The following TECR variants were observed in gnomAD, a reference collection of about 807,000 sequenced individuals.
TECR encodes trans-2,3-enoyl-CoA reductase.
In TECR, 19 loss-of-function variants were observed where a neutral mutation model predicts 50.6. The ratio of observed to expected loss-of-function variants is 0.38; its 90% CI spans 0.26 to 0.55. The LOEUF (loss-of-function observed/expected upper bound fraction) is 0.55, where lower values mean the gene tolerates loss of function less well. Ranked by LOEUF, TECR falls within the 20% of genes least tolerant of loss-of-function variation. The pLI is 0.79. For missense variants in TECR, 313 were observed against 408.3 expected, an observed-to-expected ratio of 0.77 and a Z score of 2.01; for synonymous variants, 168 against 163.5, an observed-to-expected ratio of 1.03 and a Z score of -0.21.
intron 1 of TECR, among the ~76,000 whole-genome samples, chr19:14,547,191 T>G (rs1277605427): frequency 2.0e-5 from 3 of 152,122 alleles, no homozygotes; most frequent in African/African-American, 4.8e-5. Context: ...TTCAAATTAC[T>G]GAAGCATTTA....
At chr19:14,561,112 C>G (rs1192610328) in intron 1 of TECR, among the ~76,000 whole-genome samples, 1 of 152,154 alleles carries the variant, frequency 6.6e-6, no homozygotes, top group East Asian at 1.9e-4. Context: ...TACCCAGCTT[C>G]TCTGGCTTGA....
intron 1 of TECR, among the ~76,000 whole-genome samples, chr19:14,556,239 C>G (rs1315614825): frequency 3.9e-5 from 6 of 152,096 alleles, no homozygotes; most frequent in African/African-American, 1.4e-4. Flanking sequence ...ACTTACTGTT[C>G]CCTCTGCCTG....
intron 1 of TECR, among the ~76,000 whole-genome samples, chr19:14,547,057 A>G (rs988158627): frequency 4.6e-5 from 7 of 152,204 alleles, no homozygotes; most frequent in African/African-American, 1.2e-4. Flanking sequence ...TCAGTCATAA[A>G]CATGTATTAT....
Position 14,565,050 on chromosome 19 carries a change from C to A in TECR, c.607-16C>A. On this transcript the variant is annotated splice_polypyrimidine_tract_variant and intron_variant, in intron 9 of 12. Coordinates refer to ENST00000215567, the MANE Select transcript of TECR (RefSeq NM_138501.6). ...GGAGTCTGGGCGGCCCTAGGCTGAT[C>A]CTGCTTCTCTGACAGATCTGCCAGC... 1 of 1,613,908 alleles carries A rather than the reference C, an allele frequency of 6.2e-7. No individual in the cohort carries two copies. Among genetic ancestry groups the A allele is most frequent in the Non-Finnish European group, 8.5e-7 (1 of 1,180,022 alleles).
intron 1 of TECR, among the ~76,000 whole-genome samples, chr19:14,551,616 A>C (rs541556159): frequency 2.0e-5 from 3 of 152,218 alleles, no homozygotes; most frequent in African/African-American, 7.2e-5. Context: ...ACAGGAAAAC[A>C]TGCAGGAGGC....
Position 14,539,347 on chromosome 19 carries a change from G to T in TECR, c.15+9636G>T, listed in dbSNP as rs538525451. ...TTTCCTTCTTCATGGGAAGACCCTT[G>T]GGGAAGTCACACCACACTCAGAGCC... On this transcript the variant is annotated intron_variant, in intron 1 of 12. Coordinates refer to ENST00000215567, the MANE Select transcript of TECR (RefSeq NM_138501.6). Among the ~76,000 whole-genome samples the T allele has an allele frequency of 2.0e-5, 3 of 151,898 alleles. No individual in the cohort carries two copies. In the East Asian group the frequency reaches 5.8e-4, roughly 29 times the overall value.
chr19:14,543,049 T>C (rs1599436843), intron 1 of TECR, among the ~76,000 whole-genome samples: 1 of 114,334 alleles, frequency 8.7e-6, no homozygotes, highest in African/African-American at 3.3e-5. Flanking sequence ...GCGTGGGATC[T>C]GGGCTTGTCC....
At chr19:14,540,397 AAATG>A (rs1375055344) in intron 1 of TECR, among the ~76,000 whole-genome samples, 3 of 148,796 alleles carry the variant, frequency 2.0e-5, no homozygotes, top group East Asian at 2.0e-4. Flanking sequence ...ATTTATTAAA[AAATG>A]TGTGTTTTTG....
intron 1 of TECR, among the ~76,000 whole-genome samples, chr19:14,552,678 G>A (rs1219900628): frequency 3.3e-5 from 5 of 151,904 alleles, no homozygotes; most frequent in Admixed American, 1.3e-4. Context: ...GGGACTACAG[G>A]CACCCGCCAC....
chr19:14,545,674 G>A (rs1016241041), intron 1 of TECR: 10 of 172,556 alleles, frequency 5.8e-5, no homozygotes, highest in Non-Finnish European at 1.1e-4. Context: ...TGTTGGTTGC[G>A]TGCATGGCGA....
chr19:14,533,116 A>T (rs1444244572), intron 1 of TECR, among the ~76,000 whole-genome samples: 2 of 149,970 alleles, frequency 1.3e-5, no homozygotes. Flanking sequence ...TGTTTTAAAA[A>T]AAATAAATAA....
At chr19:14,537,331 A>G (rs1292522550) in intron 1 of TECR, among the ~76,000 whole-genome samples, 1 of 151,068 alleles carries the variant, frequency 6.6e-6, no homozygotes, top group Non-Finnish European at 1.5e-5. Flanking sequence ...GTGGGACGGG[A>G]TGAGTGGTGG....
intron 11 of TECR, 77 bp from the exon 12 acceptor site, chr19:14,565,541 G>A (rs1012955406): frequency 1.7e-4 from 258 of 1,556,692 alleles, no homozygotes; most frequent in Admixed American, 6.9e-4. Context: ...GCGGCGGGAG[G>A]TGGCTGGCTG....
chr19:14,563,752 T>G lies in TECR; in HGVS notation c.164-48T>G, dbSNP rs1241590286. On this transcript the variant is annotated intron_variant, in intron 4 of 12. Coordinates refer to ENST00000215567, the MANE Select transcript of TECR (RefSeq NM_138501.6). The surrounding 1 kb of genome is among the most constrained non-coding windows in gnomAD (Gnocchi z 5.3). ...CGCCCCCTGGGCTCCTGGGTGGCAG[T>G]GGGAGAAGGCCCGGGTAGCCCCTGA... 2.5e-6 allele frequency: 4 copies of G among 1,612,300 alleles called. No homozygotes were observed. The highest frequency in any genetic ancestry group is 3.4e-6 in the Non-Finnish European group (4 of 1,179,714).
intron 1 of TECR, among the ~76,000 whole-genome samples, chr19:14,558,348 C>T (rs929081798): frequency 6.6e-6 from 1 of 152,166 alleles, no homozygotes; most frequent in African/African-American, 2.4e-5. Context: ...ACAGTGAAGA[C>T]GGGCTCTGTT....
Position 14,530,086 on chromosome 19 carries a change from C to T in TECR, c.15+375C>T, listed in dbSNP as rs1053151417. On this transcript the variant is annotated intron_variant, in intron 1 of 12. Transcript: ENST00000215567. ...AGTCTTGCACAAATCTTGCGCCACG[C>T]CGCCGTCACCAGCGTAGGAAGGGGC... 8.3e-6 allele frequency: 3 copies of T among 361,288 alleles called. No individual in the cohort carries two copies. In the Admixed American group the frequency reaches 1.2e-4, roughly 15 times the overall value. 22.4% of individuals were successfully genotyped at this position (361,288 alleles called of 1,614,324 possible).
At chr19:14,556,406 C>G (rs908151814) in intron 1 of TECR, among the ~76,000 whole-genome samples, 35 of 60,198 alleles carry the variant, frequency 5.8e-4, no homozygotes, top group African/African-American at 3.0e-3. Flanking sequence ...GCGAGACTCT[C>G]TCAAAAAAAA....
At chr19:14,558,432 G>T (rs954247489) in intron 1 of TECR, among the ~76,000 whole-genome samples, 1 of 152,120 alleles carries the variant, frequency 6.6e-6, no homozygotes, top group Non-Finnish European at 1.5e-5. Flanking sequence ...TGCGCTTCAC[G>T]CCGCACCGTG....
chr19:14,554,373 G>C (rs1046907407), intron 1 of TECR, among the ~76,000 whole-genome samples: 2 of 152,186 alleles, frequency 1.3e-5, no homozygotes, highest in African/African-American at 4.8e-5. Flanking sequence ...GGCCGGCCCA[G>C]AATCCAAGCT....
Sources: gnomAD v4.1 joint callset for allele counts (sites outside exome capture counted in the v4.1 genomes callset) on GRCh38, gnomAD v4.1.1 for gene constraint, Gnocchi (gnomAD v3.1) non-coding constraint, MANE v1.5 for transcripts, NCBI Gene and HGNC (gene_info 2026-07-23, HGNC 2026-07-21) for gene names.